Variants in NAV2 observed in about 807,000 individuals in gnomAD.
NAV2 encodes the protein helicase, APC down-regulated 1.
Under a neutral mutation model 223.2 loss-of-function variants are expected in NAV2, and 54 were observed. The ratio of observed to expected loss-of-function variants is 0.24; its 90% CI spans 0.19 to 0.30. The LOEUF is 0.30. Ranked by LOEUF, NAV2 falls within the 10% of genes least tolerant of loss-of-function variation. The pLI, the probability that NAV2 is intolerant of heterozygous loss-of-function variation, is 1.00. For missense variants in NAV2, 2,806 were observed against 3,147.5 expected (o/e 0.89, Z 2.60); for synonymous variants, 1,279 against 1,239.3 (o/e 1.03, Z -0.67).
chr11:19,947,542 G>A (rs1380416730), intron 9 of NAV2, among the ~76,000 whole-genome samples: 1 of 152,180 alleles, frequency 6.6e-6, no homozygotes, highest in African/African-American at 2.4e-5. Flanking sequence ...GCAGTTTGAC[G>A]GTGGGATGGT....
chr11:20,103,194 G>A (rs1239957683), intron 32 of NAV2, 61 bp from the exon 33 acceptor site: 1 of 1,532,794 alleles, frequency 6.5e-7, no homozygotes, highest in Non-Finnish European at 8.9e-7. Flanking sequence ...GCCCTGAGCG[G>A]TGTGTCTTCA....
At chr11:19,772,391 C>A (rs568988673) in intron 1 of NAV2, among the ~76,000 whole-genome samples, 4 of 152,038 alleles carry the variant, frequency 2.6e-5, no homozygotes, top group Admixed American at 2.6e-4. Context: ...GGATCAATCA[C>A]TCTCCATCTC....
intron 3 of NAV2, among the ~76,000 whole-genome samples, chr11:19,861,022 A>C (rs923750835): frequency 1.2e-4 from 17 of 138,286 alleles, no homozygotes; most frequent in African/African-American, 4.0e-4. Flanking sequence ...GAGACGGTGG[A>C]AAGAGGGCAG....
chr11:19,941,708 A>G (rs2046417447), intron 8 of NAV2, among the ~76,000 whole-genome samples: 1 of 152,110 alleles, frequency 6.6e-6, no homozygotes, highest in Non-Finnish European at 1.5e-5. Context: ...AATTCCTTCT[A>G]TAGCTTACTG....
chr11:19,819,710 G>C (rs1232489338), intron 1 of NAV2, among the ~76,000 whole-genome samples: 4 of 152,194 alleles, frequency 2.6e-5, no homozygotes, highest in African/African-American at 9.7e-5. Context: ...TATGTGCTAA[G>C]CACTTTACAA....
intron 1 of NAV2, among the ~76,000 whole-genome samples, chr11:19,661,915 G>T (rs1235176529): frequency 6.6e-6 from 1 of 152,192 alleles, no homozygotes; most frequent in East Asian, 1.9e-4. Context: ...CAGGGCTCTT[G>T]AATTTGAGGT....
chr11:20,009,159 G>A (rs1251711788), intron 11 of NAV2, among the ~76,000 whole-genome samples: 1 of 152,172 alleles, frequency 6.6e-6, no homozygotes, highest in Non-Finnish European at 1.5e-5. Context: ...ATAGGTTGGA[G>A]GTTGGAGGTC....
Position 20,106,177 on chromosome 11 carries a change from GTGTGTGTATA to G in NAV2, c.6841+452_6841+461del, listed in dbSNP as rs2062041740. Among the ~76,000 whole-genome samples, 108 of 13,786 alleles carry G rather than the reference GTGTGTGTATA, an allele frequency of 7.8e-3. 1 individual carries two copies. The highest frequency in any genetic ancestry group is 0.022 in the Admixed American group (40 of 1,778). 9.0% of individuals were successfully genotyped at this position (13,786 alleles called of 152,430 possible). A position where few individuals can be genotyped will look rare whatever the true frequency, so the allele number is the denominator to read the frequency against. ...TGTGTATATATATATATATATATAT[GTGTGTGTATA>G]TATATATATATATATATATATATAT... is the stretch of plus-strand genomic sequence containing the variant. On this transcript the variant is annotated intron_variant, in intron 35 of 37. Transcript: ENST00000349880.
intron 12 of NAV2, among the ~76,000 whole-genome samples, chr11:20,036,792 A>G (rs1052486608): frequency 6.6e-6 from 1 of 152,074 alleles, no homozygotes; most frequent in Non-Finnish European, 1.5e-5. Context: ...AACCCCTTAG[A>G]CCTGCCACTC....
chr11:19,720,355 G>C (rs1178288980), intron 1 of NAV2, among the ~76,000 whole-genome samples: 1 of 152,132 alleles, frequency 6.6e-6, no homozygotes, highest in Non-Finnish European at 1.5e-5. Flanking sequence ...ACCCCCATTC[G>C]CCCACACAGA....
Position 19,921,882 on chromosome 11 carries a change from G to A in NAV2, c.932-11294G>A, listed in dbSNP as rs139707024. ...GGCACAAAGGGCATGCTCTGTAAAT[G>A]TTGAATGTTATCCTTCTTAACATGT... On this transcript the variant is annotated intron_variant, in intron 6 of 37. Coordinates refer to ENST00000349880, the MANE Select transcript of NAV2 (RefSeq NM_145117.5). Among the ~76,000 whole-genome samples the A allele has an allele frequency of 7.1e-3, 1,081 of 152,316 alleles. 11 individuals carry two copies. Among genetic ancestry groups the A allele is most frequent in the African/African-American group, 0.025 (1,041 of 41,562 alleles).
At chr11:20,004,392 G>C (rs79102429) in intron 11 of NAV2, among the ~76,000 whole-genome samples, 1,784 of 152,132 alleles carry the variant, frequency 0.012, 36 homozygotes, top group African/African-American at 0.041. Context: ...TAAAGTCCTG[G>C]TCTCTCCTCT....
At chr11:19,889,776 C>T (rs991995304) in intron 5 of NAV2, among the ~76,000 whole-genome samples, 4 of 152,112 alleles carry the variant, frequency 2.6e-5, no homozygotes, top group Admixed American at 6.5e-5. Context: ...CCACAGATAC[C>T]CCAAGTATAA....
At chr11:19,363,939 C>T (rs539625017) in intron 1 of NAV2, among the ~76,000 whole-genome samples, 32 of 152,348 alleles carry the variant, frequency 2.1e-4, no homozygotes, top group African/African-American at 6.7e-4. Context: ...CTAGGGCCTC[C>T]ACCCGCCCAG....
chr11:19,456,003 G>C (rs1035256071), intron 1 of NAV2, among the ~76,000 whole-genome samples: 25 of 152,316 alleles, frequency 1.6e-4, no homozygotes, highest in Admixed American at 1.0e-3. Flanking sequence ...CCCTGCAGAG[G>C]GGGAGGGAAG....
intron 1 of NAV2, among the ~76,000 whole-genome samples, chr11:19,830,864 G>C (rs954540234): frequency 6.6e-6 from 1 of 152,096 alleles, no homozygotes; most frequent in African/African-American, 2.4e-5. Flanking sequence ...AGCCTTCTTT[G>C]TGCTTATAAA....
chr11:19,452,435 G>A (rs993591052), intron 1 of NAV2, among the ~76,000 whole-genome samples: 26 of 152,162 alleles, frequency 1.7e-4, no homozygotes, highest in Middle Eastern at 3.2e-3. Flanking sequence ...CTCTAGGACA[G>A]GTTCCTTGTC....
intron 1 of NAV2, among the ~76,000 whole-genome samples, chr11:19,785,652 T>A (rs952297813): frequency 6.6e-6 from 1 of 152,134 alleles, no homozygotes; most frequent in Non-Finnish European, 1.5e-5. Flanking sequence ...GCTGGCTTTT[T>A]TTTTTTTAAA....
At chr11:19,693,282 T>G (rs183675966) in intron 1 of NAV2, among the ~76,000 whole-genome samples, 1 of 152,210 alleles carries the variant, frequency 6.6e-6, no homozygotes, top group Non-Finnish European at 1.5e-5. Context: ...GCCGATGGCT[T>G]GTTTGTAACA....
Sources: gnomAD v4.1 joint callset for allele counts (sites outside exome capture counted in the v4.1 genomes callset) on GRCh38, gnomAD v4.1.1 for gene constraint, MANE v1.5 for transcripts, NCBI Gene and HGNC (gene_info 2026-07-23, HGNC 2026-07-21) for gene names.